Variants in PIK3AP1 observed in about 807,000 individuals in gnomAD.
The protein encoded by PIK3AP1 is phosphoinositide 3-kinase adapter protein 1.
Under a neutral mutation model 88.1 loss-of-function variants are expected in PIK3AP1, and 21 were observed. The observed-to-expected ratio is 0.24, with a 90% CI of 0.17 to 0.34. PIK3AP1 has a LOEUF of 0.34. Ranked by LOEUF, PIK3AP1 falls within the 10% of genes least tolerant of loss-of-function variation. The pLI, the probability that PIK3AP1 is intolerant of heterozygous loss-of-function variation, is 1.00. For missense variants in PIK3AP1, 828 were observed against 1,035.7 expected, an observed-to-expected ratio of 0.80 and a Z score of 2.75; for synonymous variants, 398 against 400.0, an observed-to-expected ratio of 1.00 and a Z score of 0.06.
chr10:96,633,084 T>C lies in PIK3AP1; in HGVS notation c.1376-4591A>G, dbSNP rs773140678. 7.0e-6 allele frequency: 11 copies of C among 1,562,814 alleles called. No individual in the cohort carries two copies. In the South Asian group the frequency reaches 8.2e-5, roughly 12 times the overall value. Reference sequence around the variant, plus strand: ...TGTCCTACAAGAGCAATTTCTCTCATAGCAACTCCAGAGGCGGAGCTTCCA... The same window carrying C: ...TGTCCTACAAGAGCAATTTCTCTCACAGCAACTCCAGAGGCGGAGCTTCCA... On this transcript the variant is annotated intron_variant, in intron 8 of 16. Transcript: ENST00000339364.
chr10:96,637,314 T>TCACTCACACACACACA (rs35300133), intron 8 of PIK3AP1, among the ~76,000 whole-genome samples: 73 of 128,072 alleles, frequency 5.7e-4, no homozygotes, highest in Middle Eastern at 3.7e-3. Flanking sequence ...AGATATACAA[T>TCACTCACACACACACA]CACACACACA....
At chr10:96,710,998 A>G (rs1844431135) in intron 1 of PIK3AP1, among the ~76,000 whole-genome samples, 1 of 152,226 alleles carries the variant, frequency 6.6e-6, no homozygotes, top group African/African-American at 2.4e-5. Flanking sequence ...TACCTCCACA[A>G]TACAATCTGC....
chr10:96,675,447 G>A (rs1843905208), intron 2 of PIK3AP1, among the ~76,000 whole-genome samples: 1 of 152,178 alleles, frequency 6.6e-6, no homozygotes. Context: ...TATTGACTGG[G>A]AGCAGCCTGC....
At position 96,651,357 on chromosome 10, in the gene PIK3AP1, G is replaced by A; in HGVS notation, c.879C>T (p.Asn293=). 1 of 1,614,210 alleles carries A rather than the reference G, an allele frequency of 6.2e-7. No individual in the cohort carries two copies. The highest frequency in any genetic ancestry group is 8.5e-7 in the Non-Finnish European group (1 of 1,180,024). ...TTAGCAGTTTATCAAGGGTCTCTGT[G>A]TTGTAGGGCACAATTTTAAAGGCCT... The part of the protein sequence containing the change: ...MCQAFKIVPY[N]TETLDKLLTE... Residue 293 remains asparagine, a synonymous_variant, in exon 6 of 17, where the codon AAC becomes AAT. Coordinates refer to ENST00000339364, the MANE Select transcript of PIK3AP1 (RefSeq NM_152309.3).
intron 16 of PIK3AP1, among the ~76,000 whole-genome samples, chr10:96,598,223 GT>G (rs1848816676): frequency 6.6e-6 from 1 of 151,394 alleles, no homozygotes; most frequent in Non-Finnish European, 1.5e-5. Flanking sequence ...TTTTTTGTTT[GT>G]TTGTTTTGTA....
At chr10:96,648,936 A>G in intron 6 of PIK3AP1, 81 bp from the exon 7 acceptor site, 1 of 1,256,250 alleles carries the variant, frequency 8.0e-7, no homozygotes, top group Non-Finnish European at 1.1e-6. Flanking sequence ...TGAAGCTGCC[A>G]AGACTAGCAT....
chr10:96,644,799 T>A (rs998668181), intron 8 of PIK3AP1, among the ~76,000 whole-genome samples: 1 of 152,212 alleles, frequency 6.6e-6, no homozygotes, highest in Non-Finnish European at 1.5e-5. Flanking sequence ...ACACATCTTA[T>A]TTTTGCAAAC....
At chr10:96,701,872 G>T (rs1309611717) in intron 2 of PIK3AP1, among the ~76,000 whole-genome samples, 2 of 152,020 alleles carry the variant, frequency 1.3e-5, no homozygotes, top group Non-Finnish European at 2.9e-5. Flanking sequence ...ACTTACAGGG[G>T]TTTTTTTCTT....
At chr10:96,664,523 C>T (rs1843735211) in intron 2 of PIK3AP1, among the ~76,000 whole-genome samples, 1 of 150,688 alleles carries the variant, frequency 6.6e-6, no homozygotes, top group Admixed American at 6.6e-5. Flanking sequence ...AGGCACAAAA[C>T]CAATGCAATC....
chr10:96,629,676 G>A (rs1337675945), intron 8 of PIK3AP1, among the ~76,000 whole-genome samples: 2 of 130,888 alleles, frequency 1.5e-5, no homozygotes, highest in Non-Finnish European at 3.1e-5. Context: ...CTAGGAGTTC[G>A]AGTCCAGCCT....
Position 96,623,476 on chromosome 10 carries a change from C to T in PIK3AP1, c.1731G>A (p.Arg577=). The change falls in exon 11 of 17, where the codon AGG becomes AGA. Residue 577 remains arginine, a synonymous_variant. Coordinates refer to ENST00000339364, the MANE Select transcript of PIK3AP1 (RefSeq NM_152309.3). ...GNFYVSSESI[R]KGPPVRPWRD... ...TTCATATAACACATGGCTTACCTTT[C>T]CTGATGCTCTCTGAGGAAACGTAGA... is the stretch of plus-strand genomic sequence containing the variant. 1 of 1,610,610 alleles carries T rather than the reference C, an allele frequency of 6.2e-7. No individual in the cohort carries two copies. Among genetic ancestry groups the T allele is most frequent in the South Asian group, 1.1e-5 (1 of 90,994 alleles).
At chr10:96,704,349 G>A (rs1227224374) in intron 2 of PIK3AP1, among the ~76,000 whole-genome samples, 1 of 152,194 alleles carries the variant, frequency 6.6e-6, no homozygotes, top group South Asian at 2.1e-4. Context: ...ACAACAGAAA[G>A]GTGGCTTAGA....
In PIK3AP1 at chr10:96,603,671, T is replaced by TAC. The variant is rs10528215; in HGVS notation, c.2241+306_2241+307dup. On this transcript the variant is annotated intron_variant, in intron 15 of 16. Transcript: ENST00000339364. The stretch of plus-strand genomic sequence containing the variant: ...GATTGTGTGAGTTAATACTACTTAA[T>TAC]ACACACACACACACACACACACACA... 6.8e-3 allele frequency: 1,111 copies of TAC among 163,096 alleles called. 15 individuals are homozygous for TAC. The highest frequency in any genetic ancestry group is 0.026 in the African/African-American group (1,030 of 40,092). 10.1% of individuals were successfully genotyped at this position (163,096 alleles called of 1,614,324 possible). A position where few individuals can be genotyped will look rare whatever the true frequency, so the allele number is the denominator to read the frequency against.
chr10:96,659,082 C>T (rs1843652632), intron 2 of PIK3AP1, among the ~76,000 whole-genome samples: 1 of 152,176 alleles, frequency 6.6e-6, no homozygotes, highest in Admixed American at 6.5e-5. Context: ...TCACTCAGCA[C>T]AGGAGCTTGT....
At chr10:96,598,893 G>A (rs145579924) in intron 16 of PIK3AP1, among the ~76,000 whole-genome samples, 1,981 of 152,318 alleles carry the variant, frequency 0.013, 32 homozygotes, top group Non-Finnish European at 0.016. Context: ...GCAGATCATC[G>A]GTGAATACAG....
Position 96,602,403 on chromosome 10 carries a change from A to G in PIK3AP1, c.2242-5T>C, listed in dbSNP as rs1488783151. The stretch of plus-strand genomic sequence containing the variant: ...AACCTCAGGGACTTCATTATCCTAC[A>G]GCAAAGAAGATGAGAAAGAAAGGCG... On this transcript the variant is annotated splice_region_variant and splice_polypyrimidine_tract_variant and intron_variant, in intron 15 of 16. Coordinates refer to ENST00000339364, the MANE Select transcript of PIK3AP1 (RefSeq NM_152309.3). The G allele has an allele frequency of 6.2e-7, 1 of 1,606,410 alleles. No individual in the cohort carries two copies. The highest frequency in any genetic ancestry group is 8.5e-7 in the Non-Finnish European group (1 of 1,173,648).
At chr10:96,609,523 AG>A (rs1441762805) in intron 14 of PIK3AP1, among the ~76,000 whole-genome samples, 188 bp downstream of exon 14, 1 of 152,228 alleles carries the variant, frequency 6.6e-6, no homozygotes, top group Non-Finnish European at 1.5e-5. Flanking sequence ...TCACGTAACT[AG>A]GTTTCATGGG....
intron 13 of PIK3AP1, among the ~76,000 whole-genome samples, chr10:96,616,229 A>G (rs942413866): frequency 3.9e-5 from 6 of 152,296 alleles, no homozygotes; most frequent in South Asian, 2.1e-4. Flanking sequence ...GTGGATGCAG[A>G]TGACGCCATT....
chr10:96,658,934 C>A (rs1277781234), intron 2 of PIK3AP1, among the ~76,000 whole-genome samples: 1 of 152,114 alleles, frequency 6.6e-6, no homozygotes, highest in Non-Finnish European at 1.5e-5. Flanking sequence ...TCAATCCCTG[C>A]AAAAACTAAC....
Sources: gnomAD v4.1 joint callset for allele counts (sites outside exome capture counted in the v4.1 genomes callset) on GRCh38, gnomAD v4.1.1 for gene constraint, MANE v1.5 for transcripts, NCBI Gene and HGNC (gene_info 2026-07-23, HGNC 2026-07-21) for gene names.